The following KALRN variants were observed in gnomAD, a reference collection of about 807,000 sequenced individuals.
KALRN encodes the protein kalirin.
A neutral mutation model predicts 353.7 loss-of-function variants in KALRN; 70 were observed. The observed-to-expected ratio is 0.20, with a 90% confidence interval of 0.16 to 0.24. KALRN has a LOEUF of 0.24. Ranked by LOEUF, KALRN falls within the 10% of genes least tolerant of loss-of-function variation. The pLI, the probability that KALRN is intolerant of heterozygous loss-of-function variation, is 1.00. For missense variants in KALRN, 2,791 were observed against 3,756.7 expected, an observed-to-expected ratio of 0.74 and a Z score of 6.72; for synonymous variants, 1,391 against 1,434.8, an observed-to-expected ratio of 0.97 and a Z score of 0.69.
intron 6 of KALRN, among the ~76,000 whole-genome samples, chr3:124,314,389 T>C (rs1423962438): frequency 6.7e-6 from 1 of 149,350 alleles, no homozygotes; most frequent in Non-Finnish European, 1.5e-5. Flanking sequence ...TTAGGAGATA[T>C]ACCTAATGTA....
At chr3:124,475,879 A>G (rs2061384877) in intron 26 of KALRN, among the ~76,000 whole-genome samples, 1 of 152,170 alleles carries the variant, frequency 6.6e-6, no homozygotes, top group Non-Finnish European at 1.5e-5. Flanking sequence ...CCCTAAATAT[A>G]TGAGCCAATA....
intron 37 of KALRN, among the ~76,000 whole-genome samples, chr3:124,645,065 C>G (rs1377041418): frequency 6.6e-6 from 1 of 152,182 alleles, no homozygotes; most frequent in African/African-American, 2.4e-5. Flanking sequence ...ATTTGCATTT[C>G]TCTAGTAACC....
chr3:124,592,940 G>C, intron 34 of KALRN, among the ~76,000 whole-genome samples: 1 of 152,234 alleles, frequency 6.6e-6, no homozygotes, highest in East Asian at 1.9e-4. Flanking sequence ...GGTGACCACA[G>C]TGAGGAAACT....
chr3:124,187,042 A>G (rs1486539946), intron 1 of KALRN, among the ~76,000 whole-genome samples: 6 of 152,136 alleles, frequency 3.9e-5, no homozygotes, highest in Non-Finnish European at 8.8e-5. Flanking sequence ...AAGACACAGT[A>G]ATTAGGACCT....
intron 1 of KALRN, among the ~76,000 whole-genome samples, chr3:124,217,878 T>C (rs2077496885): frequency 6.6e-6 from 1 of 152,202 alleles, no homozygotes; most frequent in Admixed American, 6.5e-5. Flanking sequence ...GGTTGTTCCA[T>C]GTATGTGGTG....
intron 1 of KALRN, among the ~76,000 whole-genome samples, chr3:124,056,988 C>T (rs2041609612): frequency 6.6e-6 from 1 of 152,170 alleles, no homozygotes; most frequent in African/African-American, 2.4e-5. Context: ...TCAGAAACTC[C>T]AAGTTCTTTA....
At chr3:124,040,534 A>G (rs920871085) in intron 1 of KALRN, among the ~76,000 whole-genome samples, 3 of 152,202 alleles carry the variant, frequency 2.0e-5, no homozygotes, top group Non-Finnish European at 4.4e-5. Context: ...ACAGGACAAC[A>G]AATAATTATC....
At chr3:124,264,728 T>C in intron 4 of KALRN, 38 bp downstream of exon 4, 1 of 1,550,358 alleles carries the variant, frequency 6.5e-7, no homozygotes, top group Non-Finnish European at 8.9e-7. Context: ...CTTCTTTCCC[T>C]TCCCCTTCTG....
intron 1 of KALRN, among the ~76,000 whole-genome samples, chr3:124,065,460 A>G (rs921894343): frequency 2.0e-4 from 31 of 152,202 alleles, no homozygotes; most frequent in African/African-American, 7.2e-4. Context: ...TAAGAGATTC[A>G]TATTGTAGTA....
intron 6 of KALRN, among the ~76,000 whole-genome samples, chr3:124,310,473 G>A (rs1294783034): frequency 1.3e-5 from 2 of 152,094 alleles, no homozygotes; most frequent in African/African-American, 4.8e-5. Flanking sequence ...TGTTGAAAGA[G>A]AACAAAGTTG....
At chr3:124,669,156 C>G (rs1267230571) in intron 47 of KALRN, among the ~76,000 whole-genome samples, 1 of 152,126 alleles carries the variant, frequency 6.6e-6, no homozygotes, top group Non-Finnish European at 1.5e-5. Context: ...CAGAACTTGT[C>G]CAAGGTCACA....
chr3:124,177,498 G>A (rs1178597014), intron 1 of KALRN, among the ~76,000 whole-genome samples: 1 of 152,174 alleles, frequency 6.6e-6, no homozygotes, highest in Non-Finnish European at 1.5e-5. Context: ...GGAGTTCCCA[G>A]GGAACCCACC....
rs200791618 is a variant in KALRN, at chr3:124,717,411, G to T, written c.8415+26G>T. ...GTAATAAGAAGTGGCAACCTGCTGGGCGCAGTGGCTCACGCCTGAAATCCC... is the reference window on the plus strand; with the variant it reads ...GTAATAAGAAGTGGCAACCTGCTGGTCGCAGTGGCTCACGCCTGAAATCCC... On this transcript the variant is annotated intron_variant, in intron 59 of 59. Coordinates refer to ENST00000682506, the MANE Select transcript of KALRN (RefSeq NM_001388419.1). 40 of 1,557,678 alleles carry T rather than the reference G, an allele frequency of 2.6e-5. No individual in the cohort carries two copies. In the African/African-American group the frequency reaches 4.9e-4, roughly 19 times the overall value.
chr3:124,227,825 C>A (rs1007855992), intron 1 of KALRN, among the ~76,000 whole-genome samples, 165 bp from the exon 2 acceptor site: 1 of 151,688 alleles, frequency 6.6e-6, no homozygotes, highest in Non-Finnish European at 1.5e-5. Flanking sequence ...GTGGAAGTAT[C>A]CCTTCTGTTG....
chr3:124,533,251 A>T lies in KALRN; in HGVS notation c.4936-29592A>T, dbSNP rs534002401. ...TAAAAGTTAAAATAAAAAATAATTT[A>T]AAAATTATTTAGCTTGAAATATAGG... On this transcript the variant is annotated intron_variant, in intron 33 of 59. Transcript: ENST00000682506. 2.6e-5 allele frequency among the ~76,000 whole-genome samples: 4 copies of T among 152,188 alleles called. No individual in the cohort carries two copies. In the East Asian group the frequency reaches 5.8e-4, roughly 22 times the overall value.
At chr3:124,306,676 G>C (rs1175966952) in intron 6 of KALRN, among the ~76,000 whole-genome samples, 1 of 152,092 alleles carries the variant, frequency 6.6e-6, no homozygotes, top group Admixed American at 6.6e-5. Flanking sequence ...ATAAATTCAA[G>C]AAGATCCATA....
intron 9 of KALRN, among the ~76,000 whole-genome samples, chr3:124,335,268 T>C (rs948116810): frequency 6.6e-6 from 1 of 152,124 alleles, no homozygotes; most frequent in Non-Finnish European, 1.5e-5. Context: ...GAGGATTCCT[T>C]GACAAGGTTG....
At chr3:124,698,886 A>C (rs972019134) in intron 55 of KALRN, among the ~76,000 whole-genome samples, 8 of 152,228 alleles carry the variant, frequency 5.3e-5, no homozygotes, top group Non-Finnish European at 1.2e-4. Context: ...CTAGTTAGCA[A>C]GAATTAGTTA....
At chr3:124,227,698 T>G (rs1579680916) in intron 1 of KALRN, among the ~76,000 whole-genome samples, 2 of 69,536 alleles carry the variant, frequency 2.9e-5, no homozygotes, top group East Asian at 3.9e-4. Flanking sequence ...TTTTTTTTTT[T>G]TTTTTTTGCC....
Sources: allele counts gnomAD v4.1 joint callset (sites outside exome capture counted in the v4.1 genomes callset), GRCh38; gene constraint gnomAD v4.1.1; transcripts MANE v1.5; gene names NCBI Gene and HGNC (gene_info 2026-07-23, HGNC 2026-07-21).